The following PRTG variants were observed in gnomAD, a reference collection of about 807,000 sequenced individuals.
The protein encoded by PRTG is immunoglobulin superfamily, DCC subclass, member 5.
A neutral mutation model predicts 122.5 loss-of-function variants in PRTG; 67 were observed. The ratio of observed to expected loss-of-function variants is 0.55; its 90% CI spans 0.45 to 0.67. The LOEUF (loss-of-function observed/expected upper bound fraction) is 0.67, where lower values mean the gene tolerates loss of function less well. Ranked by LOEUF, PRTG falls within the 30% of genes least tolerant of loss-of-function variation. The probability of loss-of-function intolerance (pLI) is 0.00; values close to 1 mark genes in which losing one functional copy is unlikely to be tolerated. For synonymous variants in PRTG, 554 were observed against 501.1 expected (o/e 1.11, Z -1.41); for missense variants, 1,435 against 1,415.4 (o/e 1.01, Z -0.22).
rs376900886 is a variant in PRTG, at chr15:55,678,004, T to C, written c.1174A>G (p.Ile392Val). ...CTATTCTCAGCCATGCACTGATAAA[T>C]AGCATCATCTTCAGGAATAATCTGG... ...INQIIPEDDA[I>V]YQCMAENSQG... The change falls in exon 8 of 20, where the codon ATT becomes GTT. Residue 392 changes from isoleucine (I) to valine (V), a missense_variant. Ile to Val is a conservative substitution (Grantham distance 29). Transcript: ENST00000389286. The C allele has an allele frequency of 6.2e-6, 10 of 1,602,252 alleles. No individual in the cohort carries two copies. The highest frequency in any genetic ancestry group is 1.3e-5 in the African/African-American group (1 of 74,672).
In PRTG at chr15:55,620,223, C is replaced by T. The variant is rs2141705651; in HGVS notation, c.3242G>A (p.Gly1081Asp). ...FTPAVCFYQP[G>D]TTVLISDEDS... ...TTCATCACTGATTAATACAGTGGTG[C>T]CTGGCTGGTAAAAGCAGACCGCTGG... Residue 1081 changes from glycine (G) to aspartate (D), a missense_variant, in exon 20 of 20, where the codon GGC (glycine) becomes GAC (aspartate). Coordinates refer to ENST00000389286, the MANE Select transcript of PRTG (RefSeq NM_173814.6). The T allele has an allele frequency of 6.2e-7, 1 of 1,614,146 alleles. No homozygotes were observed.
At chr15:55,628,730 G>C in intron 16 of PRTG, 92 bp downstream of exon 16, 2 of 980,044 alleles carry the variant, frequency 2.0e-6, no homozygotes, top group Non-Finnish European at 1.5e-6. Flanking sequence ...AGCCGGTTTA[G>C]GGATACAGCA....
At chr15:55,650,517 G>A (rs992841661) in intron 11 of PRTG, among the ~76,000 whole-genome samples, 1 of 152,166 alleles carries the variant, frequency 6.6e-6, no homozygotes, top group African/African-American at 2.4e-5. Flanking sequence ...CAGATTTGCA[G>A]CAGTAAAGGG....
At chr15:55,647,704 G>T (rs1323901677) in intron 11 of PRTG, among the ~76,000 whole-genome samples, 1 of 152,192 alleles carries the variant, frequency 6.6e-6, no homozygotes. Flanking sequence ...AGAAAAGGTA[G>T]TATCAAAAAT....
chr15:55,682,274 C>A, intron 4 of PRTG, 90 bp downstream of exon 4: 1 of 1,099,222 alleles, frequency 9.1e-7, no homozygotes, highest in Non-Finnish European at 1.2e-6. Context: ...TGAAATTCTA[C>A]TTTATGGCAC....
intron 2 of PRTG, among the ~76,000 whole-genome samples, chr15:55,694,673 C>G (rs1368427236): frequency 6.6e-6 from 1 of 152,166 alleles, no homozygotes; most frequent in Non-Finnish European, 1.5e-5. Context: ...AGGCATTAAA[C>G]TGAGTAAATG....
At chr15:55,735,230 C>T (rs1295971443) in intron 2 of PRTG, among the ~76,000 whole-genome samples, 2 of 151,968 alleles carry the variant, frequency 1.3e-5, no homozygotes, top group Admixed American at 1.3e-4. Flanking sequence ...CAACAAAATG[C>T]CTGACTTAAC....
chr15:55,713,558 A>T (rs1174735388), intron 2 of PRTG, among the ~76,000 whole-genome samples: 1 of 152,222 alleles, frequency 6.6e-6, no homozygotes, highest in Non-Finnish European at 1.5e-5. Context: ...CACCAGTTTA[A>T]ATTTCCATCA....
intron 3 of PRTG, among the ~76,000 whole-genome samples, chr15:55,683,337 G>A (rs111230039): frequency 7.2e-5 from 11 of 152,028 alleles, no homozygotes; most frequent in African/African-American, 1.7e-4. Context: ...CCAACCGCCC[G>A]CAGAACACTA....
At chr15:55,716,817 A>T (rs943036574) in intron 2 of PRTG, among the ~76,000 whole-genome samples, 19 of 152,110 alleles carry the variant, frequency 1.2e-4, no homozygotes, top group Admixed American at 1.2e-3. Context: ...ACACAACAAA[A>T]CTATGTATCA....
intron 11 of PRTG, among the ~76,000 whole-genome samples, chr15:55,665,247 G>A (rs1054011424): frequency 2.6e-4 from 39 of 151,814 alleles, no homozygotes; most frequent in Non-Finnish European, 5.6e-4. Flanking sequence ...GTGACAGAGC[G>A]AGACTCTGTC....
At chr15:55,625,132 T>C (rs2059187666) in intron 17 of PRTG, among the ~76,000 whole-genome samples, 2 of 151,546 alleles carry the variant, frequency 1.3e-5, no homozygotes, top group Non-Finnish European at 2.9e-5. Context: ...TTGACGTTGA[T>C]TTTTTTTTAA....
intron 2 of PRTG, among the ~76,000 whole-genome samples, chr15:55,684,855 A>C (rs926254273): frequency 5.3e-5 from 8 of 152,204 alleles, no homozygotes; most frequent in African/African-American, 1.9e-4. Context: ...CATCTCAAAC[A>C]AAAGGTAGAG....
At chr15:55,629,056 A>G (rs2059211195) in intron 15 of PRTG, 52 bp from the exon 16 acceptor site, 2 of 1,288,956 alleles carry the variant, frequency 1.6e-6, no homozygotes, top group South Asian at 3.0e-5. Context: ...TTATTCTTTC[A>G]CTCATATTAT....
intron 12 of PRTG, among the ~76,000 whole-genome samples, chr15:55,640,674 T>C (rs1340229678): frequency 1.3e-5 from 2 of 152,202 alleles, no homozygotes; most frequent in African/African-American, 4.8e-5. Context: ...GGACTTATAA[T>C]TCAATATATC....
At position 55,618,057 on chromosome 15, in the gene PRTG, C is replaced by G. The variant is rs2059148480; in HGVS notation, c.*1955G>C. 1 of 152,122 alleles carries G rather than the reference C, an allele frequency of 6.6e-6. No homozygotes were observed. The highest frequency in any genetic ancestry group is 1.5e-5 in the Non-Finnish European group (1 of 68,026). 9.4% of individuals were successfully genotyped at this position (152,122 alleles called of 1,614,324 possible). On this transcript the variant is annotated 3_prime_UTR_variant, in exon 20 of 20. Coordinates refer to ENST00000389286, the MANE Select transcript of PRTG (RefSeq NM_173814.6). Reference sequence around the variant, plus strand: ...AAAACAGGAGCTATAAAGGCAGGAGCAGCATTTTTCCTTGCTGCAGACTGT... The same window carrying G: ...AAAACAGGAGCTATAAAGGCAGGAGGAGCATTTTTCCTTGCTGCAGACTGT...
chr15:55,630,177 A>G (rs1167101459), intron 15 of PRTG, among the ~76,000 whole-genome samples: 2 of 152,024 alleles, frequency 1.3e-5, no homozygotes, highest in Non-Finnish European at 2.9e-5. Flanking sequence ...TAGTAGAGAC[A>G]GGGTTTCACC....
At chr15:55,677,727 T>C (rs2059510716) in intron 8 of PRTG, 70 bp downstream of exon 8, 1 of 1,431,452 alleles carries the variant, frequency 7.0e-7, no homozygotes, top group African/African-American at 1.4e-5. Context: ...ATGTAAGGCA[T>C]TATTCGTACT....
At chr15:55,688,209 A>T (rs2059581024) in intron 2 of PRTG, among the ~76,000 whole-genome samples, 2 of 152,190 alleles carry the variant, frequency 1.3e-5, no homozygotes, top group South Asian at 4.1e-4. Context: ...CCATGCCTCA[A>T]ACATCTAATC....
Sources: allele counts gnomAD v4.1 joint callset (sites outside exome capture counted in the v4.1 genomes callset), GRCh38; gene constraint gnomAD v4.1.1; transcripts MANE v1.5; gene names NCBI Gene and HGNC (gene_info 2026-07-23, HGNC 2026-07-21).